Variants in EIF1AX observed in about 807,000 individuals in gnomAD.
The protein encoded by EIF1AX is eukaryotic translation initiation factor 1A X-linked, also known as eukaryotic translation initiation factor 1A, X-chromosomal.
EIF1AX carries 1 observed loss-of-function variant against 16.1 expected under a neutral mutation model. That is an observed-to-expected ratio of 0.06 (90% CI 0.02 to 0.30). The LOEUF (loss-of-function observed/expected upper bound fraction) is 0.30. Ranked by LOEUF, EIF1AX falls within the 10% of genes least tolerant of loss-of-function variation. EIF1AX has a pLI of 1.00. For missense variants in EIF1AX, 11 were observed against 109.1 expected (o/e 0.10, Z 4.00); for synonymous variants, 32 against 37.3 (o/e 0.86, Z 0.51).
At chrX:20,131,604 A>C (rs1181799542) in intron 5 of EIF1AX, among the ~76,000 whole-genome samples, 2 of 110,857 alleles carry the variant, frequency 1.8e-5, no homozygotes, top group Non-Finnish European at 1.9e-5. Context: ...CAGCCTGGGC[A>C]AAAGAGTGAG....
chrX:20,124,556 G>A lies in EIF1AX; in HGVS notation c.*3750C>T, dbSNP rs1222608240. On this transcript the variant is annotated 3_prime_UTR_variant, in exon 7 of 7. Coordinates refer to ENST00000379607, the MANE Select transcript of EIF1AX (RefSeq NM_001412.4). ...GTTGTTCATATTTTATTTTCTAATT[G>A]CAGTAGTTTGTATCTGATTTCTTTA... The A allele has an allele frequency of 6.7e-6, 1 of 150,138 alleles. No individual in the cohort carries two copies. The highest frequency in any genetic ancestry group is 1.0e-4 in the East Asian group (1 of 9,620). 12.4% of individuals were successfully genotyped at this position (150,138 alleles called of 1,213,427 possible).
At chrX:20,137,394 C>T (rs926649276) in intron 2 of EIF1AX, among the ~76,000 whole-genome samples, 1 of 110,427 alleles carries the variant, frequency 9.1e-6, no homozygotes, top group Non-Finnish European at 1.9e-5. Flanking sequence ...TGTAGTGAGC[C>T]GAGATCGCGC....
intron 6 of EIF1AX, among the ~76,000 whole-genome samples, chrX:20,128,892 T>C (rs768188359): frequency 9.0e-5 from 10 of 110,725 alleles, no homozygotes; most frequent in Non-Finnish European, 1.7e-4. Context: ...TCTTGGTGCA[T>C]GCGGCTTCAT....
chrX:20,131,690 T>G (rs1390737555), intron 5 of EIF1AX, among the ~76,000 whole-genome samples: 1 of 107,449 alleles, frequency 9.3e-6, no homozygotes, highest in Non-Finnish European at 1.9e-5. Context: ...TTTTTTTTTT[T>G]TTTTTTTTTT....
chrX:20,137,336 C>T (rs951260993), intron 2 of EIF1AX, among the ~76,000 whole-genome samples: 18 of 110,987 alleles, frequency 1.6e-4, no homozygotes, highest in Non-Finnish European at 1.9e-5. Flanking sequence ...GTCCCAGCTA[C>T]TTGGGAGGCT....
intron 6 of EIF1AX, 34 bp downstream of exon 6, chrX:20,130,482 C>T (rs775768580): frequency 1.7e-6 from 2 of 1,154,476 alleles, no homozygotes; most frequent in Non-Finnish European, 2.3e-6. Context: ...TGGATAATAA[C>T]AAAAATTGGA....
rs2066989659 is a variant in EIF1AX at position 20,127,748 on chromosome X, G to A, written c.*558C>T. ...TCTTTTTTTTTTTTTTTATGTTTAC[G>A]GTGGCAAAATACGACTATGAAAAGA... On this transcript the variant is annotated 3_prime_UTR_variant, in exon 7 of 7. Transcript: ENST00000379607. 1.3e-5 allele frequency: 2 copies of A among 152,010 alleles called. No individual in the cohort carries two copies. Among genetic ancestry groups the A allele is most frequent in the East Asian group, 9.9e-5 (1 of 10,099 alleles). 12.5% of individuals were successfully genotyped at this position (152,010 alleles called of 1,213,427 possible).
At chrX:20,140,040 A>G (rs2067029367) in intron 1 of EIF1AX, 1 of 112,583 alleles carries the variant, frequency 8.9e-6, no homozygotes, top group Non-Finnish European at 1.9e-5. Context: ...TGTTGAATGA[A>G]TGAGACTAGG....
chrX:20,139,000 G>A (rs923511141), intron 1 of EIF1AX, among the ~76,000 whole-genome samples: 1 of 112,326 alleles, frequency 8.9e-6, no homozygotes, highest in Non-Finnish European at 1.9e-5. Flanking sequence ...CAGGCCCTAT[G>A]CAAGGAACCC....
rs191927114 is a variant in EIF1AX at position 20,124,886 on chromosome X, C to A, written c.*3420G>T. ...CATTCTACGTGTTCCTTCTATTGTA[C>A]GAATCAAAGACTGCACGCAAAAGAA... is the stretch of plus-strand genomic sequence containing the variant. On this transcript the variant is annotated 3_prime_UTR_variant, in exon 7 of 7. Coordinates refer to ENST00000379607, the MANE Select transcript of EIF1AX (RefSeq NM_001412.4). The A allele has an allele frequency of 6.1e-4, 91 of 148,103 alleles. 1 individual carries two copies. The highest frequency in any genetic ancestry group is 2.7e-3 in the African/African-American group (88 of 32,422). The allele number at this position is 148,103 out of a possible 1,213,427, so 12.2% of individuals were successfully genotyped here. A position where few individuals can be genotyped will look rare whatever the true frequency, so the allele number is the denominator to read the frequency against.
At position 20,125,916 on chromosome X, in the gene EIF1AX, C is replaced by T. The variant is rs14141; in HGVS notation, c.*2390G>A. On this transcript the variant is annotated 3_prime_UTR_variant, in exon 7 of 7. Coordinates refer to ENST00000379607, the MANE Select transcript of EIF1AX (RefSeq NM_001412.4). ...GGTAAGAAGCGGTCTCTTTAGGGGC[C>T]AGATGCTTAAGAAATATTCAACAAA... The T allele has an allele frequency of 0.31, 45,174 of 145,456 alleles. 8,708 individuals are homozygous for T. Among genetic ancestry groups the T allele is most frequent in the African/African-American group, 0.77 (23,459 of 30,617 alleles). 12.0% of individuals were successfully genotyped at this position (145,456 alleles called of 1,213,427 possible).
Position 20,125,250 on chromosome X carries a change from G to A in EIF1AX, c.*3056C>T. The A allele has an allele frequency of 1.2e-5, 2 of 165,613 alleles. No individual in the cohort carries two copies. The highest frequency in any genetic ancestry group is 2.0e-3 in the Middle Eastern group (1 of 499). 13.6% of individuals were successfully genotyped at this position (165,613 alleles called of 1,213,427 possible). On this transcript the variant is annotated 3_prime_UTR_variant, in exon 7 of 7. Transcript: ENST00000379607. ...CTAGCAACTTGCAGGGCTAGGAGGGGGGAATAAGAGAGGACAAAGTCCAAT... is the reference window on the plus strand; with the variant it reads ...CTAGCAACTTGCAGGGCTAGGAGGGAGGAATAAGAGAGGACAAAGTCCAAT...
At position 20,127,636 on chromosome X, in the gene EIF1AX, CA is replaced by C. The variant is rs2066989202; in HGVS notation, c.*669del. 6.5e-6 allele frequency: 1 copy of C among 153,105 alleles called. No individual in the cohort carries two copies. Among genetic ancestry groups the C allele is most frequent in the Non-Finnish European group, 1.3e-5 (1 of 78,329 alleles). 12.6% of individuals were successfully genotyped at this position (153,105 alleles called of 1,213,427 possible). A position where few individuals can be genotyped will look rare whatever the true frequency, so the allele number is the denominator to read the frequency against. On this transcript the variant is annotated 3_prime_UTR_variant, in exon 7 of 7. Transcript: ENST00000379607. ...TTCCCCTGTTAAGATAACTGAGTGCCACCTAGTGTTCAATTTCTGCAACTAC... is the reference window on the plus strand; with the variant it reads ...TTCCCCTGTTAAGATAACTGAGTGCCCCTAGTGTTCAATTTCTGCAACTAC...
chrX:20,126,435 TG>T lies in EIF1AX; in HGVS notation c.*1870del, dbSNP rs2066985452. On this transcript the variant is annotated 3_prime_UTR_variant, in exon 7 of 7. Transcript: ENST00000379607. ...AACAATCACCAGTAAATACATGAACTGGGGTTATAGCTGAATTTTTAGAAAC... is the reference window on the plus strand; with the variant it reads ...AACAATCACCAGTAAATACATGAACTGGGTTATAGCTGAATTTTTAGAAAC... The T allele has an allele frequency of 7.7e-6, 1 of 130,399 alleles. No homozygotes were observed. The highest frequency in any genetic ancestry group is 3.8e-4 in the South Asian group (1 of 2,639). The allele number at this position is 130,399 out of a possible 1,213,427, so 10.7% of individuals were successfully genotyped here.
intron 2 of EIF1AX, among the ~76,000 whole-genome samples, chrX:20,137,491 T>C (rs897574038): frequency 3.6e-5 from 4 of 111,110 alleles, no homozygotes; most frequent in African/African-American, 1.3e-4. Flanking sequence ...TTTATATGTG[T>C]GTGTACAGAT....
At chrX:20,141,604 C>T (rs1383960767) in intron 1 of EIF1AX, 21 bp downstream of exon 1, 60 of 1,150,535 alleles carry the variant, frequency 5.2e-5, no homozygotes, top group Admixed American at 3.7e-4. Flanking sequence ...AGCCGTGGTC[C>T]GGGGGTCCGG....
chrX:20,129,131 GAAC>G (rs964612368), intron 6 of EIF1AX, among the ~76,000 whole-genome samples: 65 of 111,476 alleles, frequency 5.8e-4, no homozygotes, highest in Middle Eastern at 9.2e-3. Context: ...GAAAATAACA[GAAC>G]AACATGTTTA....
rs1310601233 is a variant in EIF1AX, at chrX:20,125,590, T to G, written c.*2716A>C. The G allele has an allele frequency of 6.0e-6, 1 of 167,391 alleles. No individual in the cohort carries two copies. Among genetic ancestry groups the G allele is most frequent in the Non-Finnish European group, 1.1e-5 (1 of 87,124 alleles). 13.8% of individuals were successfully genotyped at this position (167,391 alleles called of 1,213,427 possible). On this transcript the variant is annotated 3_prime_UTR_variant, in exon 7 of 7. Coordinates refer to ENST00000379607, the MANE Select transcript of EIF1AX (RefSeq NM_001412.4). ...AGCTGTCAATCCAGTCAATACCGGT[T>G]GTTGTTAAGTCTGTATACAAGTAAA...
In EIF1AX at chrX:20,134,503, C is replaced by T. The variant is rs193230827; in HGVS notation, c.205-496G>A. ...CTATAATCCCAGCACTTTGGGAGGC[C>T]GAGGCCGGCGGGTCACTTGAGGTCA... On this transcript the variant is annotated intron_variant, in intron 3 of 6. Coordinates refer to ENST00000379607, the MANE Select transcript of EIF1AX (RefSeq NM_001412.4). Among the ~76,000 whole-genome samples the T allele has an allele frequency of 9.0e-5, 10 of 111,707 alleles. No individual in the cohort carries two copies. In the East Asian group the frequency reaches 2.8e-3, roughly 31 times the overall value.
Sources: allele counts gnomAD v4.1 joint callset (sites outside exome capture counted in the v4.1 genomes callset), GRCh38; gene constraint gnomAD v4.1.1; transcripts MANE v1.5; gene names NCBI Gene and HGNC (gene_info 2026-07-23, HGNC 2026-07-21).